Variants in NCOA7 observed in about 807,000 individuals in gnomAD.
NCOA7 encodes 140 kDa estrogen receptor-associated protein.
Under a neutral mutation model 104.3 loss-of-function variants are expected in NCOA7, and 45 were observed. The ratio of observed to expected loss-of-function variants is 0.43; its 90% CI spans 0.34 to 0.55. The LOEUF is 0.55. Among genes scored for constraint, NCOA7 ranks in the 20% least tolerant of loss-of-function variants. The pLI is 0.02. For synonymous variants in NCOA7, 398 were observed against 402.3 expected, an observed-to-expected ratio of 0.99 and a Z score of 0.13; for missense variants, 1,041 against 1,119.7, an observed-to-expected ratio of 0.93 and a Z score of 1.00.
At chr6:125,813,053 G>A (rs1417290648) in intron 1 of NCOA7, among the ~76,000 whole-genome samples, 2 of 151,952 alleles carry the variant, frequency 1.3e-5, no homozygotes, top group African/African-American at 2.4e-5. Flanking sequence ...ATCCTCTCAC[G>A]TCAATCCTCT....
At chr6:125,806,605 G>A (rs1463299061) in intron 1 of NCOA7, among the ~76,000 whole-genome samples, 2 of 152,152 alleles carry the variant, frequency 1.3e-5, no homozygotes, top group Non-Finnish European at 2.9e-5. Context: ...TTTGGTTGGC[G>A]TGGTTGTGGG....
rs796914146 is a variant in NCOA7, at chr6:125,878,198, T to A, written c.352-65T>A. The A allele has an allele frequency of 8.7e-6, 8 of 917,776 alleles. No individual in the cohort carries two copies. In the African/African-American group the frequency reaches 1.4e-4, roughly 16 times the overall value. The allele number at this position is 917,776 out of a possible 1,614,324, so 56.9% of individuals were successfully genotyped here. On this transcript the variant is annotated intron_variant, in intron 4 of 15. Transcript: ENST00000392477. The stretch of plus-strand genomic sequence containing the variant: ...TTTATTCATATTGCAGATAAATTAA[T>A]AGTATCTATCAAAAGTAATTTTTTT...
chr6:125,816,640 A>G (rs931911880), intron 2 of NCOA7, among the ~76,000 whole-genome samples: 3 of 152,232 alleles, frequency 2.0e-5, no homozygotes, highest in African/African-American at 7.2e-5. Flanking sequence ...TTTAGAATAA[A>G]TAAGATCTCC....
chr6:125,840,868 GTTTTTTTTTTTTTTTTTTTTTTT>G lies in NCOA7; in HGVS notation c.51-14132_51-14110del, dbSNP rs57168444. 6.9e-4 allele frequency among the ~76,000 whole-genome samples: 28 copies of G among 40,374 alleles called. 1 individual carries two copies. Among genetic ancestry groups the G allele is most frequent in the Admixed American group, 2.2e-3 (5 of 2,264 alleles). The allele number at this position is 40,374 out of a possible 152,430, so 26.5% of individuals were successfully genotyped here. On this transcript the variant is annotated intron_variant, in intron 2 of 15. Coordinates refer to ENST00000392477, the MANE Select transcript of NCOA7 (RefSeq NM_181782.5). ...TTTTATGGTTTTTTTTGTTTGGTTG[GTTTTTTTTTTTTTTTTTTTTTTT>G]TTTTTTTTTTTTTTTTTTTGAGACA...
In NCOA7 at chr6:125,875,030, C is replaced by T. The variant is rs535780795; in HGVS notation, c.351+62C>T. On this transcript the variant is annotated intron_variant, in intron 4 of 15. Transcript: ENST00000392477. The stretch of plus-strand genomic sequence containing the variant: ...AGCACTACATTTATATAATGGTTTT[C>T]CCTGACACATCCTGCCCCTTGGCTG... 2.4e-6 allele frequency: 3 copies of T among 1,255,530 alleles called. No homozygotes were observed. In the South Asian group the frequency reaches 3.7e-5, roughly 15 times the overall value. 77.8% of individuals were successfully genotyped at this position (1,255,530 alleles called of 1,614,324 possible). A position where few individuals can be genotyped will look rare whatever the true frequency, so the allele number is the denominator to read the frequency against.
intron 1 of NCOA7, among the ~76,000 whole-genome samples, chr6:125,806,012 G>A (rs1776413144): frequency 1.3e-5 from 2 of 152,166 alleles, no homozygotes; most frequent in African/African-American, 4.8e-5. Context: ...TGTAGGTGGT[G>A]GAGTCTGGAT....
chr6:125,892,434 G>A (rs1248659816), intron 10 of NCOA7, among the ~76,000 whole-genome samples: 1 of 152,062 alleles, frequency 6.6e-6, no homozygotes, highest in African/African-American at 2.4e-5. Context: ...ACTTTGGGAG[G>A]CCGAGGCGGG....
At chr6:125,797,187 G>A (rs1775418452) in intron 1 of NCOA7, among the ~76,000 whole-genome samples, 1 of 152,164 alleles carries the variant, frequency 6.6e-6, no homozygotes, top group Non-Finnish European at 1.5e-5. Flanking sequence ...GTACTCTTAA[G>A]ACATTGAAAG....
intron 2 of NCOA7, among the ~76,000 whole-genome samples, chr6:125,822,566 G>T (rs1778284900): frequency 6.6e-6 from 1 of 152,182 alleles, no homozygotes; most frequent in Non-Finnish European, 1.5e-5. Context: ...GTATCTCTGA[G>T]TGTTATTCTT....
intron 2 of NCOA7, among the ~76,000 whole-genome samples, chr6:125,823,259 C>T (rs1408350522): frequency 6.6e-6 from 1 of 152,188 alleles, no homozygotes; most frequent in Admixed American, 6.5e-5. Context: ...GGTTGGCATA[C>T]AGCAAGTGTT....
intron 3 of NCOA7, among the ~76,000 whole-genome samples, chr6:125,864,887 T>C (rs543144705): frequency 7.2e-6 from 1 of 138,330 alleles, no homozygotes; most frequent in East Asian, 2.1e-4. Flanking sequence ...TGTTTTCTTC[T>C]GAAGTGTTCA....
chr6:125,822,935 C>CAA (rs1361583039), intron 2 of NCOA7, among the ~76,000 whole-genome samples: 38 of 55,568 alleles, frequency 6.8e-4, no homozygotes, highest in Middle Eastern at 0.027. Flanking sequence ...ACTCCATCTC[C>CAA]AAAAAAAAAA....
chr6:125,788,913 T>C (rs1774605823), upstream of NCOA7, among the ~76,000 whole-genome samples: 1 of 152,040 alleles, frequency 6.6e-6, no homozygotes, highest in African/African-American at 2.4e-5. Flanking sequence ...TTTTGTCTAA[T>C]AAAAACATCA....
chr6:125,839,551 C>A (rs998309342), intron 2 of NCOA7, among the ~76,000 whole-genome samples: 1 of 152,056 alleles, frequency 6.6e-6, no homozygotes, highest in Non-Finnish European at 1.5e-5. Context: ...TAGAAGCTCT[C>A]GAGGCACCTC....
At chr6:125,796,327 C>G (rs1432532965) in intron 1 of NCOA7, among the ~76,000 whole-genome samples, 1 of 95,678 alleles carries the variant, frequency 1.0e-5, no homozygotes, top group African/African-American at 4.2e-5. Context: ...TCCTTCTTCT[C>G]TCCCCACCCC....
intron 1 of NCOA7, among the ~76,000 whole-genome samples, 151 bp downstream of exon 1, chr6:125,791,218 G>T (rs1419257517): frequency 5.9e-5 from 9 of 152,324 alleles, no homozygotes; most frequent in African/African-American, 2.2e-4. Flanking sequence ...GCTGGGCGTA[G>T]CCCCCTGTGA....
intron 2 of NCOA7, among the ~76,000 whole-genome samples, chr6:125,817,489 T>C (rs531496316): frequency 2.4e-4 from 37 of 152,370 alleles, no homozygotes; most frequent in Admixed American, 7.2e-4. Flanking sequence ...TATCTCATTA[T>C]GGTTTTAATT....
intron 2 of NCOA7, among the ~76,000 whole-genome samples, chr6:125,839,035 A>G (rs1016414196): frequency 3.3e-4 from 50 of 152,018 alleles, no homozygotes; most frequent in Non-Finnish European, 6.9e-4. Context: ...AACTTTCAGA[A>G]CTTCGACATT....
intron 12 of NCOA7, among the ~76,000 whole-genome samples, chr6:125,921,782 A>G (rs747537297): frequency 2.0e-4 from 31 of 152,214 alleles, no homozygotes; most frequent in Admixed American, 5.9e-4. Flanking sequence ...TACTTGCTTT[A>G]TGAAAAATAC....
Sources: allele counts gnomAD v4.1 joint callset (sites outside exome capture counted in the v4.1 genomes callset), GRCh38; gene constraint gnomAD v4.1.1; transcripts MANE v1.5; gene names NCBI Gene and HGNC (gene_info 2026-07-23, HGNC 2026-07-21).